The following DNAJC8 variants were observed in gnomAD, a reference collection of about 807,000 sequenced individuals.
DNAJC8 encodes dnaJ homolog subfamily C member 8.
A neutral mutation model predicts 43.2 loss-of-function variants in DNAJC8; 24 were observed. The observed-to-expected ratio is 0.56, with a 90% CI of 0.40 to 0.78. The LOEUF (loss-of-function observed/expected upper bound fraction) is 0.78, where lower values mean the gene tolerates loss of function less well. DNAJC8 is among the 30% of genes least tolerant of loss of function. The pLI, the probability that DNAJC8 is intolerant of heterozygous loss-of-function variation, is 0.00. For missense variants in DNAJC8, 207 were observed against 299.4 expected (o/e 0.69, Z 2.28); for synonymous variants, 83 against 98.0 (o/e 0.85, Z 0.90).
chr1:28,224,452 G>GA (rs755154706), intron 2 of DNAJC8, among the ~76,000 whole-genome samples: 1 of 152,046 alleles, frequency 6.6e-6, no homozygotes, highest in Non-Finnish European at 1.5e-5. Context: ...ATTTTTAGTA[G>GA]AGACAGGGTT....
intron 1 of DNAJC8, among the ~76,000 whole-genome samples, chr1:28,231,728 A>G (rs563779644): frequency 1.3e-5 from 2 of 152,196 alleles, no homozygotes; most frequent in African/African-American, 4.8e-5. Context: ...GGAAAAAAAA[A>G]AAGAATTCAA....
intron 2 of DNAJC8, among the ~76,000 whole-genome samples, chr1:28,217,668 C>A (rs1012024851): frequency 3.3e-5 from 5 of 151,954 alleles, no homozygotes; most frequent in African/African-American, 1.2e-4. Context: ...GAAAAGGAAT[C>A]TCTAGGGGTA....
intron 1 of DNAJC8, among the ~76,000 whole-genome samples, chr1:28,232,044 C>T (rs1023228192): frequency 1.3e-5 from 2 of 151,202 alleles, no homozygotes; most frequent in Non-Finnish European, 3.0e-5. Flanking sequence ...CGTGAGCCAC[C>T]GCGCCCAACC....
At chr1:28,223,368 G>C (rs934692356) in intron 2 of DNAJC8, among the ~76,000 whole-genome samples, 1 of 152,118 alleles carries the variant, frequency 6.6e-6, no homozygotes, top group Non-Finnish European at 1.5e-5. Flanking sequence ...AGCAGGAAGA[G>C]AGCAGGCTCA....
intron 2 of DNAJC8, among the ~76,000 whole-genome samples, chr1:28,219,656 C>T (rs1390361461): frequency 6.6e-6 from 1 of 152,050 alleles, no homozygotes; most frequent in Non-Finnish European, 1.5e-5. Context: ...TTATTAGAGG[C>T]TTTTTTTGTG....
At chr1:28,215,569 C>T (rs892901974) in intron 2 of DNAJC8, among the ~76,000 whole-genome samples, 4 of 151,578 alleles carry the variant, frequency 2.6e-5, no homozygotes, top group African/African-American at 9.7e-5. Flanking sequence ...TGGAGTCTCG[C>T]TCTTATTGCC....
At chr1:28,207,826 C>T (rs934152620) in intron 6 of DNAJC8, among the ~76,000 whole-genome samples, 4 of 151,672 alleles carry the variant, frequency 2.6e-5, no homozygotes, top group Non-Finnish European at 5.9e-5. Flanking sequence ...GAGGCCGAGG[C>T]GGGTGGATCA....
intron 4 of DNAJC8, 27 bp downstream of exon 4, chr1:28,210,544 C>T (rs1646803746): frequency 6.2e-7 from 1 of 1,601,832 alleles, no homozygotes; most frequent in Non-Finnish European, 8.6e-7. Flanking sequence ...CAATCTAATA[C>T]TCAGAAGCAG....
At chr1:28,212,722 T>A (rs573424223) in intron 3 of DNAJC8, among the ~76,000 whole-genome samples, 1 of 152,208 alleles carries the variant, frequency 6.6e-6, no homozygotes, top group Non-Finnish European at 1.5e-5. Context: ...CAGGGAACTA[T>A]GTCGGGGAAT....
At position 28,210,080 on chromosome 1, in the gene DNAJC8, T is replaced by A; in HGVS notation, c.305-14A>T. 6.2e-7 allele frequency: 1 copy of A among 1,612,834 alleles called. No individual in the cohort carries two copies. The highest frequency in any genetic ancestry group is 8.5e-7 in the Non-Finnish European group (1 of 1,178,874). ...CTTTGTCCACAGCTAATGCAAAACA[T>A]TGAAATTAACTGTTTCTGCAAACAC... On this transcript the variant is annotated splice_polypyrimidine_tract_variant and intron_variant, in intron 4 of 8. Transcript: ENST00000263697.
chr1:28,216,693 C>T (rs1365985248), intron 2 of DNAJC8, among the ~76,000 whole-genome samples: 1 of 151,506 alleles, frequency 6.6e-6, no homozygotes, highest in African/African-American at 2.4e-5. Context: ...ACAGCTGGGC[C>T]CATTTGCATG....
At chr1:28,221,470 T>C (rs1252138322) in intron 2 of DNAJC8, among the ~76,000 whole-genome samples, 1 of 152,148 alleles carries the variant, frequency 6.6e-6, no homozygotes, top group African/African-American at 2.4e-5. Context: ...ATACTTCCTA[T>C]AGTGAGAACA....
At chr1:28,231,394 G>A (rs1014975543) in intron 1 of DNAJC8, among the ~76,000 whole-genome samples, 5 of 152,030 alleles carry the variant, frequency 3.3e-5, no homozygotes, top group South Asian at 2.1e-4. Flanking sequence ...TGTGGAATAT[G>A]AAGATCTGCA....
At position 28,228,996 on chromosome 1, in the gene DNAJC8, C is replaced by T. The variant is rs767885337; in HGVS notation, c.106G>A (p.Val36Ile). 3 of 1,613,970 alleles carry T rather than the reference C, an allele frequency of 1.9e-6. No individual in the cohort carries two copies. Among genetic ancestry groups the T allele is most frequent in the Non-Finnish European group, 2.5e-6 (3 of 1,179,958 alleles). Reference protein sequence around the residue: ...EVKQIEKRDSVLTSKNQIERL... With the variant: ...EVKQIEKRDSILTSKNQIERL... ...TCAATCTGATTTTTCGAAGTTAGAA[C>T]CGAGTCTCTCTTCTCTATTTGTTTC... The change falls in exon 2 of 9, where the codon GTT (valine) becomes ATT (isoleucine). Residue 36 changes from valine to isoleucine, a missense_variant. Physicochemically the swap from Val to Ile is conservative, Grantham distance 29. This residue lies in a region of DNAJC8 where 159 missense variants were observed against 267.5 expected (regional missense o/e 0.59). Coordinates refer to ENST00000263697, the MANE Select transcript of DNAJC8 (RefSeq NM_014280.3).
chr1:28,214,885 G>A, intron 3 of DNAJC8, 55 bp downstream of exon 3: 1 of 1,471,794 alleles, frequency 6.8e-7, no homozygotes, highest in Non-Finnish European at 9.2e-7. Context: ...AGTGATAAAA[G>A]AATCATGTGC....
At position 28,210,012 on chromosome 1, in the gene DNAJC8, A is replaced by G; in HGVS notation, c.359T>C (p.Leu120Pro). Reference protein sequence around the residue: ...LLDQEQKKRALDVIQAGKEYV... With the variant: ...LLDQEQKKRAPDVIQAGKEYV... The stretch of plus-strand genomic sequence containing the variant: ...TTCTTTTCCTGCCTGAATTACATCC[A>G]GGGCCCTCTTCTTTTGCTCCTGATC... The change falls in exon 5 of 9, where the codon CTG (leucine) becomes CCG (proline). Residue 120 changes from leucine to proline, a missense_variant. Leu to Pro is a moderately conservative substitution (Grantham distance 98). This residue lies in a region of DNAJC8 where 159 missense variants were observed against 267.5 expected (regional missense o/e 0.59). Transcript: ENST00000263697. 1 of 1,613,918 alleles carries G rather than the reference A, an allele frequency of 6.2e-7. No homozygotes were observed. The highest frequency in any genetic ancestry group is 8.5e-7 in the Non-Finnish European group (1 of 1,179,854).
chr1:28,206,275 A>G (rs1646767859), intron 6 of DNAJC8, among the ~76,000 whole-genome samples: 2 of 152,114 alleles, frequency 1.3e-5, no homozygotes, highest in Admixed American at 6.6e-5. Flanking sequence ...TTTTTGAAAC[A>G]GGGTCTCAAT....
chr1:28,218,944 A>G (rs1032342376), intron 2 of DNAJC8, among the ~76,000 whole-genome samples: 2 of 152,178 alleles, frequency 1.3e-5, no homozygotes, highest in Non-Finnish European at 2.9e-5. Flanking sequence ...AGTTCTGAGG[A>G]AAAGGAATCT....
Position 28,201,079 on chromosome 1 carries a change from C to T in DNAJC8, c.*169G>A. On this transcript the variant is annotated 3_prime_UTR_variant, in exon 9 of 9. Coordinates refer to ENST00000263697, the MANE Select transcript of DNAJC8 (RefSeq NM_014280.3). ...TTTTTTTAAACCAAGCCCCTCATTT[C>T]AATGTACAAAAGAATTACTCTGATC... 2.0e-6 allele frequency: 2 copies of T among 1,012,074 alleles called. No homozygotes were observed. Among genetic ancestry groups the T allele is most frequent in the Non-Finnish European group, 2.8e-6 (2 of 705,076 alleles). The allele number at this position is 1,012,074 out of a possible 1,614,324, so 62.7% of individuals were successfully genotyped here.
Sources: gnomAD v4.1 joint callset for allele counts (sites outside exome capture counted in the v4.1 genomes callset) on GRCh38, gnomAD v4.1.1 for gene constraint, gnomAD v4.1.1 regional missense constraint, MANE v1.5 for transcripts, NCBI Gene and HGNC (gene_info 2026-07-23, HGNC 2026-07-21) for gene names.